Variants in ARFGEF2 observed in about 807,000 individuals in gnomAD.
ARFGEF2 encodes the protein ARF guanine nucleotide exchange factor 2.
Under a neutral mutation model 219.9 loss-of-function variants are expected in ARFGEF2, and 74 were observed. The observed-to-expected ratio is 0.34, with a 90% CI of 0.28 to 0.41. ARFGEF2 has a LOEUF of 0.41. Among genes scored for constraint, ARFGEF2 ranks in the 10% least tolerant of loss-of-function variants. ARFGEF2 has a pLI of 1.00. For synonymous variants in ARFGEF2, 733 were observed against 799.2 expected, an observed-to-expected ratio of 0.92 and a Z score of 1.40; for missense variants, 1,743 against 2,218.3, an observed-to-expected ratio of 0.79 and a Z score of 4.30.
intron 1 of ARFGEF2, among the ~76,000 whole-genome samples, chr20:48,935,749 A>C (rs1346722135): frequency 4.3e-5 from 6 of 138,584 alleles, no homozygotes; most frequent in African/African-American, 1.6e-4. Flanking sequence ...CCTCCCGGAC[A>C]GGGCGGCTGG....
At chr20:49,022,240 A>T (rs1487656436) in intron 34 of ARFGEF2, among the ~76,000 whole-genome samples, 1 of 151,970 alleles carries the variant, frequency 6.6e-6, no homozygotes, top group Non-Finnish European at 1.5e-5. Flanking sequence ...AGGGATACAG[A>T]AGTAGAAAAT....
At chr20:48,978,663 T>C (rs2091277314) in intron 14 of ARFGEF2, among the ~76,000 whole-genome samples, 1 of 152,242 alleles carries the variant, frequency 6.6e-6, no homozygotes, top group Non-Finnish European at 1.5e-5. Flanking sequence ...TGGTTTATAG[T>C]TCTCCTTGAA....
At chr20:48,991,823 A>G (rs1020706300) in intron 21 of ARFGEF2, among the ~76,000 whole-genome samples, 4 of 152,184 alleles carry the variant, frequency 2.6e-5, no homozygotes, top group African/African-American at 9.7e-5. Flanking sequence ...GTGGCCATTT[A>G]AAATAATGTT....
intron 7 of ARFGEF2, among the ~76,000 whole-genome samples, chr20:48,964,644 C>A (rs1233755449): frequency 6.6e-6 from 1 of 152,166 alleles, no homozygotes; most frequent in Non-Finnish European, 1.5e-5. Context: ...TGTTAGGCTT[C>A]ATTCATAAGT....
Position 49,036,240 on chromosome 20 carries a change from T to G in ARFGEF2, c.*3041T>G. On this transcript the variant is annotated 3_prime_UTR_variant, in exon 39 of 39. Transcript: ENST00000371917. ...GCTGAACTCACATGGAATCCTGGAG[T>G]TTTGTTATCAGCAGCTTTGCAGTTT... 2.5e-6 allele frequency: 1 copy of G among 398,276 alleles called. No individual in the cohort carries two copies. Among genetic ancestry groups the G allele is most frequent in the Non-Finnish European group, 4.4e-6 (1 of 225,926 alleles). The allele number at this position is 398,276 out of a possible 1,614,324, so 24.7% of individuals were successfully genotyped here.
chr20:48,930,155 C>G (rs2090904092), intron 1 of ARFGEF2, among the ~76,000 whole-genome samples: 1 of 152,202 alleles, frequency 6.6e-6, no homozygotes, highest in Non-Finnish European at 1.5e-5. Context: ...GAGCATGGCA[C>G]TAGCATCTGG....
At position 49,032,136 on chromosome 20, in the gene ARFGEF2, A is replaced by G; in HGVS notation, c.5151A>G (p.Leu1717=). ...GGACAAGTCTCTTGTTGTTACTTCT[A>G]ACTAAAACCCTCAAAATAAATGATG... is the stretch of plus-strand genomic sequence containing the variant. ...EAWTSLLLLL[L]TKTLKINDEK... Residue 1717 remains leucine, a synonymous_variant, in exon 38 of 39, where the codon CTA becomes CTG. Coordinates refer to ENST00000371917, the MANE Select transcript of ARFGEF2 (RefSeq NM_006420.3). 1 of 1,613,808 alleles carries G rather than the reference A, an allele frequency of 6.2e-7. No homozygotes were observed. The highest frequency in any genetic ancestry group is 8.5e-7 in the Non-Finnish European group (1 of 1,179,788).
intron 6 of ARFGEF2, among the ~76,000 whole-genome samples, chr20:48,963,341 A>T (rs2091166669): frequency 6.6e-6 from 1 of 152,208 alleles, no homozygotes; most frequent in Non-Finnish European, 1.5e-5. Context: ...ATAAAAGTTT[A>T]GTAAATCCTT....
chr20:48,969,602 G>A (rs757680722), intron 9 of ARFGEF2, among the ~76,000 whole-genome samples: 3 of 152,196 alleles, frequency 2.0e-5, no homozygotes, highest in Non-Finnish European at 4.4e-5. Context: ...GGGTGTGGAG[G>A]GACAGGATGC....
intron 1 of ARFGEF2, among the ~76,000 whole-genome samples, chr20:48,938,590 A>G (rs1341351529): frequency 6.6e-6 from 1 of 152,170 alleles, no homozygotes; most frequent in Non-Finnish European, 1.5e-5. Flanking sequence ...ATTCTTTCCT[A>G]GCTATTTTGA....
At position 49,016,591 on chromosome 20, in the gene ARFGEF2, A is replaced by G. The variant is rs531713432; in HGVS notation, c.4315+176A>G. On this transcript the variant is annotated intron_variant, in intron 31 of 38. Coordinates refer to ENST00000371917, the MANE Select transcript of ARFGEF2 (RefSeq NM_006420.3). ...AACAGTGCCCCCCCCAAGTCAGTTC[A>G]TAAAGCATTTCTTAAAGATGGGATA... Among the ~76,000 whole-genome samples the G allele has an allele frequency of 2.2e-4, 34 of 152,316 alleles. 1 individual carries two copies. In the South Asian group the frequency reaches 6.8e-3, roughly 31 times the overall value.
intron 1 of ARFGEF2, among the ~76,000 whole-genome samples, chr20:48,923,989 T>G (rs1600578387): frequency 6.6e-6 from 1 of 152,260 alleles, no homozygotes; most frequent in African/African-American, 2.4e-5. Context: ...GACTACAGGT[T>G]ATATGAATCA....
intron 15 of ARFGEF2, 23 bp from the exon 16 acceptor site, chr20:48,985,385 A>G (rs1290362980): frequency 1.2e-6 from 2 of 1,613,248 alleles, no homozygotes; most frequent in African/African-American, 2.7e-5. Context: ...ATTTCTGGAT[A>G]TAAGTGAGTG....
intron 12 of ARFGEF2, among the ~76,000 whole-genome samples, chr20:48,974,118 ATTTTTTTTTTTTTTT>A (rs57941437): frequency 1.4e-5 from 1 of 70,066 alleles, no homozygotes; most frequent in East Asian, 4.8e-4. Flanking sequence ...TTGAGTGTGA[ATTTTTTTTTTTTTTT>A]TTTTTTTTTT....
rs567341304 is a variant in ARFGEF2, at chr20:49,036,248, T to G, written c.*3049T>G. The G allele has an allele frequency of 2.5e-6, 1 of 398,386 alleles. No individual in the cohort carries two copies. The highest frequency in any genetic ancestry group is 2.1e-5 in the African/African-American group (1 of 48,764). 24.7% of individuals were successfully genotyped at this position (398,386 alleles called of 1,614,324 possible). A position where few individuals can be genotyped will look rare whatever the true frequency, so the allele number is the denominator to read the frequency against. ...CACATGGAATCCTGGAGTTTTGTTA[T>G]CAGCAGCTTTGCAGTTTGGGAAACA... On this transcript the variant is annotated 3_prime_UTR_variant, in exon 39 of 39. Transcript: ENST00000371917.
rs552432420 is a variant in ARFGEF2 at position 48,965,441 on chromosome 20, A to C, written c.908-431A>C. ...CCCTTTTTTCACATGGCTGCCAAGA[A>C]GCTCAGGTTTACATTTTTTCTCTGT... On this transcript the variant is annotated intron_variant, in intron 7 of 38. Transcript: ENST00000371917. Among the ~76,000 whole-genome samples the C allele has an allele frequency of 6.6e-5, 10 of 152,342 alleles. No individual in the cohort carries two copies. The South Asian group carries it at 1.2e-3, about 19-fold the overall frequency.
chr20:48,943,666 G>A (rs1251692652), intron 3 of ARFGEF2, among the ~76,000 whole-genome samples: 2 of 152,100 alleles, frequency 1.3e-5, no homozygotes, highest in South Asian at 4.1e-4. Context: ...TAACTCCTGG[G>A]CTCAAACAGT....
intron 7 of ARFGEF2, 97 bp downstream of exon 7, chr20:48,963,995 C>T: frequency 9.0e-7 from 1 of 1,108,206 alleles, no homozygotes; most frequent in Non-Finnish European, 1.3e-6. Flanking sequence ...CTTCCCTGCC[C>T]TAAGAACTGG....
chr20:48,998,135 C>A, intron 23 of ARFGEF2, 58 bp from the exon 24 acceptor site: 5 of 1,544,612 alleles, frequency 3.2e-6, no homozygotes, highest in Admixed American at 1.7e-5. Context: ...GCTGAGATTA[C>A]AGGTGTGAGC....
Sources: allele counts gnomAD v4.1 joint callset (sites outside exome capture counted in the v4.1 genomes callset), GRCh38; gene constraint gnomAD v4.1.1; transcripts MANE v1.5; gene names NCBI Gene and HGNC (gene_info 2026-07-23, HGNC 2026-07-21).